TEX14: variants seen among roughly 807,000 people sequenced by gnomAD.
TEX14 encodes the protein testis expressed 14, intercellular bridge forming factor, also known as inactive serine/threonine-protein kinase TEX14.
A neutral mutation model predicts 178.6 loss-of-function variants in TEX14; 168 were observed. That is an observed-to-expected ratio of 0.94 (90% CI 0.83 to 1.07). The LOEUF is 1.07. TEX14 is among the 50% of genes least tolerant of loss of function. TEX14 has a pLI of 0.00. For missense variants in TEX14, 1,730 were observed against 1,753.6 expected, an observed-to-expected ratio of 0.99 and a Z score of 0.24; for synonymous variants, 626 against 634.1, an observed-to-expected ratio of 0.99 and a Z score of 0.19.
intron 1 of TEX14, among the ~76,000 whole-genome samples, chr17:58,688,522 A>G (rs2047639352): frequency 6.6e-6 from 1 of 152,244 alleles, no homozygotes; most frequent in African/African-American, 2.4e-5. Flanking sequence ...AGAATGCTGT[A>G]AAAACTGAGA....
intron 6 of TEX14, among the ~76,000 whole-genome samples, chr17:58,616,856 G>A (rs1028456522): frequency 1.3e-5 from 2 of 152,236 alleles, no homozygotes; most frequent in Admixed American, 6.5e-5. Flanking sequence ...TGCTGGGACT[G>A]AGAAGCCCAT....
At chr17:58,615,383 A>G (rs755901085) in intron 7 of TEX14, 38 bp from the exon 8 acceptor site, 3 of 1,249,078 alleles carry the variant, frequency 2.4e-6, no homozygotes, top group East Asian at 4.6e-5. Flanking sequence ...GAAAGGAGTG[A>G]GCAGCCACTT....
chr17:58,653,546 G>C (rs1408454863), intron 1 of TEX14, among the ~76,000 whole-genome samples: 3 of 152,186 alleles, frequency 2.0e-5, no homozygotes, highest in African/African-American at 7.2e-5. Flanking sequence ...GAATGGATTA[G>C]TGCTATTGTC....
At position 58,557,004 on chromosome 17, in the gene TEX14, A is replaced by G. The variant is rs201604125; in HGVS notation, c.*7T>C. 172 of 1,612,762 alleles carry G rather than the reference A, an allele frequency of 1.1e-4. 1 individual carries two copies. Among genetic ancestry groups the G allele is most frequent in the Middle Eastern group, 1.7e-4 (1 of 6,060 alleles). Reference sequence around the variant, plus strand: ...AGGCCAGGAGTCCGTCTATGATCCAATTCCAATCAGTCTGACAAGTCACTC... The same window carrying G: ...AGGCCAGGAGTCCGTCTATGATCCAGTTCCAATCAGTCTGACAAGTCACTC... On this transcript the variant is annotated 3_prime_UTR_variant, in exon 32 of 32. Coordinates refer to ENST00000349033, the MANE Select transcript of TEX14 (RefSeq NM_031272.5).
At chr17:58,571,297 G>T in intron 24 of TEX14, among the ~76,000 whole-genome samples, 1 of 143,978 alleles carries the variant, frequency 6.9e-6, no homozygotes, top group Admixed American at 7.2e-5. Context: ...GTGTAGTGGT[G>T]CAATCACAGT....
At chr17:58,687,188 G>T (rs2047615860) in intron 1 of TEX14, among the ~76,000 whole-genome samples, 1 of 152,080 alleles carries the variant, frequency 6.6e-6, no homozygotes, top group Non-Finnish European at 1.5e-5. Flanking sequence ...ATCACTCCCT[G>T]GCACTGAGGT....
At position 58,590,517 on chromosome 17, in the gene TEX14, G is replaced by A. The variant is rs561372241; in HGVS notation, c.2577-2496C>T. ...TGAAGCAACCTAAAATTCAACAATA[G>A]GTGAAATCCAACTATTTTTGTTGTT... On this transcript the variant is annotated intron_variant, in intron 15 of 31. Coordinates refer to ENST00000349033, the MANE Select transcript of TEX14 (RefSeq NM_031272.5). 2.0e-5 allele frequency among the ~76,000 whole-genome samples: 3 copies of A among 148,986 alleles called. No individual in the cohort carries two copies. In the East Asian group the frequency reaches 5.9e-4, roughly 29 times the overall value.
At chr17:58,558,051 C>G (rs868849876) in intron 30 of TEX14, among the ~76,000 whole-genome samples, 32 of 152,194 alleles carry the variant, frequency 2.1e-4, no homozygotes, top group African/African-American at 7.7e-4. Context: ...TCTGCCACAG[C>G]AATGGGCGCT....
chr17:58,586,725 TAACTC>T (rs1386428112), intron 17 of TEX14, among the ~76,000 whole-genome samples: 1 of 151,888 alleles, frequency 6.6e-6, no homozygotes, highest in African/African-American at 2.4e-5. Context: ...TGTTTCATTG[TAACTC>T]TGATGAGAAA....
chr17:58,601,319 G>A (rs925858814), intron 13 of TEX14, among the ~76,000 whole-genome samples: 12 of 151,956 alleles, frequency 7.9e-5, no homozygotes, highest in Non-Finnish European at 1.2e-4. Context: ...TCAGGAAATC[G>A]AGACCATCCT....
chr17:58,613,477 G>A lies in TEX14; in HGVS notation c.949C>T (p.Arg317Cys), dbSNP rs150820263. ...VCLSQDLEKT[R>C]LVYERITIGT... The stretch of plus-strand genomic sequence containing the variant: ...ATAGTGATGCGCTCGTACACAAGGC[G>A]GGTTTTCTCTAGGTCCTGGGAGAGA... Residue 317 changes from arginine to cysteine, a missense_variant, in exon 9 of 32, where the codon CGC (arginine) becomes TGC (cysteine). Arg to Cys is a radical substitution (Grantham distance 180). Around this residue, in one of 2 missense-constraint regions of TEX14, gnomAD observed 789 missense variants for 681.2 expected, o/e 1.16. Transcript: ENST00000349033. The A allele has an allele frequency of 5.8e-5, 94 of 1,614,058 alleles. No homozygotes were observed. In the South Asian group the frequency reaches 7.0e-4, roughly 12 times the overall value.
rs35359604 is a variant in TEX14 at position 58,657,502 on chromosome 17, C to CTTT, written c.-1-5503_-1-5501dup. 1.2e-3 allele frequency among the ~76,000 whole-genome samples: 64 copies of CTTT among 51,372 alleles called. 7 individuals carry two copies. Among genetic ancestry groups the CTTT allele is most frequent in the East Asian group, 2.1e-3 (4 of 1,930 alleles). 33.7% of individuals were successfully genotyped at this position (51,372 alleles called of 152,430 possible). On this transcript the variant is annotated intron_variant, in intron 1 of 31. Coordinates refer to ENST00000349033, the MANE Select transcript of TEX14 (RefSeq NM_031272.5). ...TTTTGTCTGGGCAATACGGGAAATG[C>CTTT]TTTTTTTTTTTTTTTTTTTTTTTTT...
chr17:58,581,661 C>T lies in TEX14; in HGVS notation c.3172-1930G>A, dbSNP rs1185999949. ...GTCGAGGAGTAAAAATATTCACCGT[C>T]TGGAGTTAAAAATTCATCTGTTATA... On this transcript the variant is annotated intron_variant, in intron 19 of 31. Coordinates refer to ENST00000349033, the MANE Select transcript of TEX14 (RefSeq NM_031272.5). 6.8e-6 allele frequency: 11 copies of T among 1,613,872 alleles called. No individual in the cohort carries two copies. In the South Asian group the frequency reaches 1.1e-4, roughly 16 times the overall value.
Position 58,602,422 on chromosome 17 carries a change from T to C in TEX14, c.1505A>G (p.Tyr502Cys). Residue 502 changes from tyrosine to cysteine, a missense_variant, in exon 12 of 32, where the codon TAT becomes TGT. By Grantham distance (194) the Tyr-to-Cys change is radical (BLOSUM62 -2). Around this residue, in one of 2 missense-constraint regions of TEX14, gnomAD observed 789 missense variants for 681.2 expected, o/e 1.16. Coordinates refer to ENST00000349033, the MANE Select transcript of TEX14 (RefSeq NM_031272.5). ...TGCCTTTAAGTCATTCTTCAGAATA[T>C]ACCGGATATCTTGAAGGTTCATAGT... ...DRTMNLQDIR[Y>C]ILKNDLKDFT... The C allele has an allele frequency of 6.2e-7, 1 of 1,613,946 alleles. No homozygotes were observed. The highest frequency in any genetic ancestry group is 8.5e-7 in the Non-Finnish European group (1 of 1,179,904).
intron 8 of TEX14, among the ~76,000 whole-genome samples, chr17:58,614,747 G>C (rs1222254472): frequency 2.6e-5 from 4 of 152,242 alleles, no homozygotes; most frequent in Non-Finnish European, 5.9e-5. Flanking sequence ...GTCCTAGCAA[G>C]AGCAGAAGGA....
chr17:58,607,198 C>T (rs188961254), intron 10 of TEX14, among the ~76,000 whole-genome samples: 3 of 152,170 alleles, frequency 2.0e-5, no homozygotes, highest in Non-Finnish European at 4.4e-5. Flanking sequence ...ATAATCAACT[C>T]ATGTTACCAG....
At chr17:58,645,035 GA>G (rs1437924668) in intron 2 of TEX14, among the ~76,000 whole-genome samples, 6 of 150,040 alleles carry the variant, frequency 4.0e-5, no homozygotes, top group African/African-American at 1.2e-4. Context: ...ACCCAGGCTG[GA>G]GTGCAGTGGC....
At chr17:58,563,510 G>A (rs2044312739) in intron 28 of TEX14, among the ~76,000 whole-genome samples, 1 of 150,788 alleles carries the variant, frequency 6.6e-6, no homozygotes, top group African/African-American at 2.4e-5. Context: ...CAAAGAGCCA[G>A]GCATGGTGGC....
At position 58,571,972 on chromosome 17, in the gene TEX14, C is replaced by T. The variant is rs1248112134; in HGVS notation, c.3666G>A (p.Leu1222=). The change falls in exon 24 of 32, where the codon CTG becomes CTA. Residue 1222 remains leucine, a synonymous_variant. Coordinates refer to ENST00000349033, the MANE Select transcript of TEX14 (RefSeq NM_031272.5). ...FISVRERAKK[L]DSLLTSSETP... is the part of the protein sequence containing the mutation. ...TTTCAGAGGAAGTAAGGAGAGAATC[C>T]AGTTTCTTTGCTCTCTCTCGGACAC... 1 of 1,614,012 alleles carries T rather than the reference C, an allele frequency of 6.2e-7. No individual in the cohort carries two copies. Among genetic ancestry groups the T allele is most frequent in the Non-Finnish European group, 8.5e-7 (1 of 1,180,030 alleles).
Sources: gnomAD v4.1 joint callset for allele counts (sites outside exome capture counted in the v4.1 genomes callset) on GRCh38, gnomAD v4.1.1 for gene constraint, gnomAD v4.1.1 regional missense constraint, MANE v1.5 for transcripts, NCBI Gene and HGNC (gene_info 2026-07-23, HGNC 2026-07-21) for gene names.